TBC1D23: variants seen among roughly 807,000 people sequenced by gnomAD.
TBC1D23 encodes HCV non-structural protein 4A-transactivated protein 1.
TBC1D23 carries 55 observed loss-of-function variants against 91.4 expected under a neutral mutation model. The ratio of observed to expected loss-of-function variants is 0.60; its 90% CI spans 0.48 to 0.75. TBC1D23 has a LOEUF of 0.75. Ranked by LOEUF, TBC1D23 falls within the 30% of genes least tolerant of loss-of-function variation. The probability of loss-of-function intolerance (pLI) is 0.00; values close to 1 mark genes in which losing one functional copy is unlikely to be tolerated. For missense variants in TBC1D23, 725 were observed against 836.1 expected (o/e 0.87, Z 1.64); for synonymous variants, 289 against 281.0 (o/e 1.03, Z -0.28).
At chr3:100,262,101 A>G (rs1251850161) in intron 1 of TBC1D23, among the ~76,000 whole-genome samples, 1 of 152,252 alleles carries the variant, frequency 6.6e-6, no homozygotes, top group African/African-American at 2.4e-5. Context: ...CCATTAGCAG[A>G]CATCAAACAT....
intron 1 of TBC1D23, among the ~76,000 whole-genome samples, chr3:100,273,838 T>A (rs958767780): frequency 6.6e-6 from 1 of 152,196 alleles, no homozygotes; most frequent in Non-Finnish European, 1.5e-5. Context: ...ACTGGATCCC[T>A]TCTTTACACT....
At chr3:100,309,899 G>A (rs1576182736) in intron 13 of TBC1D23, among the ~76,000 whole-genome samples, 1 of 152,078 alleles carries the variant, frequency 6.6e-6, no homozygotes, top group Admixed American at 6.5e-5. Flanking sequence ...GTGAGCCACC[G>A]CGCCCAGCAT....
intron 1 of TBC1D23, among the ~76,000 whole-genome samples, chr3:100,264,358 A>G (rs2148847505): frequency 6.8e-6 from 1 of 147,700 alleles, no homozygotes; most frequent in South Asian, 2.1e-4. Flanking sequence ...TTTTATTTTA[A>G]CTCTGTCAGA....
chr3:100,262,702 C>T (rs1417523149), intron 1 of TBC1D23, among the ~76,000 whole-genome samples: 1 of 107,358 alleles, frequency 9.3e-6, no homozygotes, highest in Non-Finnish European at 1.7e-5. Flanking sequence ...TCCAGCCCGG[C>T]GGCAGTGTGA....
At chr3:100,262,395 T>C (rs1482712924) in intron 1 of TBC1D23, among the ~76,000 whole-genome samples, 1 of 152,130 alleles carries the variant, frequency 6.6e-6, no homozygotes, top group Non-Finnish European at 1.5e-5. Context: ...AGAAGCCACA[T>C]ATTGTAATTT....
chr3:100,319,065 A>C lies in TBC1D23; in HGVS notation c.1688-4A>C, dbSNP rs768268675. 1.3e-6 allele frequency: 2 copies of C among 1,538,752 alleles called. No individual in the cohort carries two copies. The highest frequency in any genetic ancestry group is 1.4e-5 in the African/African-American group (1 of 72,072). ...CCATATTTAATACTTTGTATTTTTT[A>C]TAGATGAAATTGACAGTTCTTCAAT... On this transcript the variant is annotated splice_polypyrimidine_tract_variant and splice_region_variant and intron_variant, in intron 16 of 18. Transcript: ENST00000394144.
intron 1 of TBC1D23, chr3:100,267,178 A>G: frequency 2.4e-6 from 1 of 412,630 alleles, no homozygotes. Flanking sequence ...AGAAAATAAT[A>G]GGATTAAACA....
chr3:100,262,565 G>A lies in TBC1D23; in HGVS notation c.53+1494G>A, dbSNP rs139855010. On this transcript the variant is annotated intron_variant, in intron 1 of 18. Coordinates refer to ENST00000394144, the MANE Select transcript of TBC1D23 (RefSeq NM_001199198.3). ...CATGGTGAAACCCCGTCTCTACTAAGAATATAAAAATTAGCCGGGCGTGGT... is the reference window on the plus strand; with the variant it reads ...CATGGTGAAACCCCGTCTCTACTAAAAATATAAAAATTAGCCGGGCGTGGT... 4.7e-3 allele frequency among the ~76,000 whole-genome samples: 710 copies of A among 151,786 alleles called. 2 individuals carry two copies. The highest frequency in any genetic ancestry group is 6.4e-3 in the Non-Finnish European group (431 of 67,862).
intron 16 of TBC1D23, among the ~76,000 whole-genome samples, chr3:100,317,538 C>T (rs1430432007): frequency 6.6e-6 from 1 of 152,120 alleles, no homozygotes; most frequent in Non-Finnish European, 1.5e-5. Flanking sequence ...AATTTTAAAT[C>T]TTACTGCTAA....
intron 13 of TBC1D23, among the ~76,000 whole-genome samples, chr3:100,309,402 A>G (rs1392083623): frequency 6.6e-6 from 1 of 152,132 alleles, no homozygotes. Context: ...AGTTTTAACT[A>G]TTTCTTATTG....
rs1705499040 is a variant in TBC1D23, at chr3:100,305,402, G to A, written c.1306+514G>A. 2.0e-5 allele frequency among the ~76,000 whole-genome samples: 3 copies of A among 152,068 alleles called. No individual in the cohort carries two copies. In the South Asian group the frequency reaches 6.2e-4, roughly 31 times the overall value. ...AAAATAATTGGCAGGATCTCTGCAG[G>A]CAAGTATTGAGAATTTTACTTTGCA... is the stretch of plus-strand genomic sequence containing the variant. On this transcript the variant is annotated intron_variant, in intron 12 of 18. Coordinates refer to ENST00000394144, the MANE Select transcript of TBC1D23 (RefSeq NM_001199198.3).
At chr3:100,291,330 C>A (rs751893714) in intron 5 of TBC1D23, among the ~76,000 whole-genome samples, 1 of 152,100 alleles carries the variant, frequency 6.6e-6, no homozygotes, top group Non-Finnish European at 1.5e-5. Flanking sequence ...CGCCTGCAAT[C>A]CCAGCACTTT....
Position 100,320,888 on chromosome 3 carries a change from A to G in TBC1D23, c.1935A>G (p.Thr645=). Reference sequence around the variant, plus strand: ...CGCTGAATTCTGTAGTTAAAATTACATCCAAAAAAAAACATCCTGAACTCA... The same window carrying G: ...CGCTGAATTCTGTAGTTAAAATTACGTCCAAAAAAAAACATCCTGAACTCA... ...RQALNSVVKI[T]SKKKHPELIT... Residue 645 remains threonine (T), a synonymous_variant, in exon 18 of 19, where the codon ACA becomes ACG. Transcript: ENST00000394144. 6.2e-7 allele frequency: 1 copy of G among 1,613,200 alleles called. No homozygotes were observed. Among genetic ancestry groups the G allele is most frequent in the Non-Finnish European group, 8.5e-7 (1 of 1,179,520 alleles).
At position 100,295,287 on chromosome 3, in the gene TBC1D23, G is replaced by T. The variant is rs1559807901; in HGVS notation, c.726-15G>T. On this transcript the variant is annotated splice_polypyrimidine_tract_variant and intron_variant, in intron 6 of 18. Coordinates refer to ENST00000394144, the MANE Select transcript of TBC1D23 (RefSeq NM_001199198.3). ...GTTAATATTTAACTCAAATTGATTT[G>T]ATTCCCTTTTACAGAGAAGTTATTT... The T allele has an allele frequency of 3.7e-6, 6 of 1,607,570 alleles. No individual in the cohort carries two copies. Among genetic ancestry groups the T allele is most frequent in the South Asian group, 3.4e-5 (3 of 89,378 alleles).
At chr3:100,262,817 A>C (rs1417865115) in intron 1 of TBC1D23, among the ~76,000 whole-genome samples, 1 of 151,894 alleles carries the variant, frequency 6.6e-6, no homozygotes, top group Non-Finnish European at 1.5e-5. Context: ...TCATTGTTTA[A>C]AAAATTAGAT....
chr3:100,281,149 G>A (rs974217608), intron 2 of TBC1D23, among the ~76,000 whole-genome samples: 4 of 152,050 alleles, frequency 2.6e-5, no homozygotes, highest in African/African-American at 9.7e-5. Context: ...GCAAGAGAGC[G>A]AAACTCAGTC....
rs1328856980 is a variant in TBC1D23 at position 100,316,207 on chromosome 3, TACAG to T, written c.1687+25_1687+28del. 2 of 1,567,266 alleles carry T rather than the reference TACAG, an allele frequency of 1.3e-6. No homozygotes were observed. The highest frequency in any genetic ancestry group is 1.8e-6 in the Non-Finnish European group (2 of 1,137,218). ...ACACAGGTGTAGTAATACACTTAGCTACAGACAGCTTTGCTGTCATTAGGAGTGA... is the reference window on the plus strand; with the variant it reads ...ACACAGGTGTAGTAATACACTTAGCTACAGCTTTGCTGTCATTAGGAGTGA... On this transcript the variant is annotated intron_variant, in intron 16 of 18. Coordinates refer to ENST00000394144, the MANE Select transcript of TBC1D23 (RefSeq NM_001199198.3).
intron 1 of TBC1D23, among the ~76,000 whole-genome samples, chr3:100,262,723 C>CAAAAAAAAAAAAAAAAAAAAA (rs1174689237): frequency 1.9e-5 from 1 of 51,422 alleles, no homozygotes; most frequent in Non-Finnish European, 3.5e-5. Flanking sequence ...GGCTCGGTCT[C>CAAAAAAAAAAAAAAAAAAAAA]AAAAAAAAAA....
At chr3:100,315,589 A>C (rs1342877201) in intron 15 of TBC1D23, among the ~76,000 whole-genome samples, 1 of 152,236 alleles carries the variant, frequency 6.6e-6, no homozygotes, top group Non-Finnish European at 1.5e-5. Context: ...TTATATGAGA[A>C]GCCTTAACCA....
Sources: gnomAD v4.1 joint callset for allele counts (sites outside exome capture counted in the v4.1 genomes callset) on GRCh38, gnomAD v4.1.1 for gene constraint, MANE v1.5 for transcripts, NCBI Gene and HGNC (gene_info 2026-07-23, HGNC 2026-07-21) for gene names.